ST6GALNAC3: variants seen among roughly 807,000 people sequenced by gnomAD.
ST6GALNAC3 encodes the protein alpha-N-acetylgalactosaminide alpha-2,6-sialyltransferase 3.
A neutral mutation model predicts 32.7 loss-of-function variants in ST6GALNAC3; 25 were observed. The observed-to-expected ratio is 0.76, with a 90% confidence interval of 0.56 to 1.07. The LOEUF is 1.07. Ranked by LOEUF, ST6GALNAC3 falls within the 50% of genes least tolerant of loss-of-function variation. ST6GALNAC3 has a pLI of 0.00. For synonymous variants in ST6GALNAC3, 129 were observed against 133.1 expected, an observed-to-expected ratio of 0.97 and a Z score of 0.21; for missense variants, 355 against 382.4, an observed-to-expected ratio of 0.93 and a Z score of 0.60.
intron 1 of ST6GALNAC3, among the ~76,000 whole-genome samples, chr1:76,244,794 G>A (rs910079851): frequency 6.6e-6 from 1 of 152,130 alleles, no homozygotes; most frequent in African/African-American, 2.4e-5. Context: ...GGATGAAGCT[G>A]ACTTGATCAC....
chr1:76,587,933 G>C (rs1486003375), intron 3 of ST6GALNAC3, among the ~76,000 whole-genome samples: 2 of 152,192 alleles, frequency 1.3e-5, no homozygotes, highest in African/African-American at 2.4e-5. Flanking sequence ...ACCAGGCCTT[G>C]AGGAGAGTAA....
chr1:76,228,046 A>T (rs190170066), intron 1 of ST6GALNAC3, among the ~76,000 whole-genome samples: 2 of 152,340 alleles, frequency 1.3e-5, no homozygotes, highest in East Asian at 1.9e-4. Context: ...CCAATCAGCT[A>T]CAGTTGGCTT....
intron 3 of ST6GALNAC3, among the ~76,000 whole-genome samples, chr1:76,605,674 G>A (rs1181590783): frequency 6.6e-6 from 1 of 151,854 alleles, no homozygotes; most frequent in African/African-American, 2.4e-5. Flanking sequence ...AGACCAGCCT[G>A]GCCAACATGG....
intron 1 of ST6GALNAC3, among the ~76,000 whole-genome samples, chr1:76,161,975 A>C (rs1171259600): frequency 6.6e-6 from 1 of 152,220 alleles, no homozygotes; most frequent in Admixed American, 6.5e-5. Context: ...GGAAATCGAC[A>C]TTTGCCAATG....
At chr1:76,349,465 C>T (rs531843979) in intron 2 of ST6GALNAC3, among the ~76,000 whole-genome samples, 12 of 152,146 alleles carry the variant, frequency 7.9e-5, no homozygotes, top group Non-Finnish European at 1.5e-4. Flanking sequence ...ACATGTTTCT[C>T]TGTGTTCTGG....
chr1:76,331,021 G>T (rs772490778), intron 2 of ST6GALNAC3, among the ~76,000 whole-genome samples: 16 of 152,180 alleles, frequency 1.1e-4, no homozygotes, highest in Non-Finnish European at 1.8e-4. Context: ...GGGTAAGATG[G>T]CAGAAGAGCA....
chr1:76,155,444 G>A (rs911207764), intron 1 of ST6GALNAC3, among the ~76,000 whole-genome samples: 13 of 152,028 alleles, frequency 8.6e-5, no homozygotes, highest in Non-Finnish European at 1.8e-4. Context: ...TATAGCAAGA[G>A]TTCCCCCACT....
At chr1:76,285,933 C>T (rs3908823) in intron 1 of ST6GALNAC3, among the ~76,000 whole-genome samples, 27,726 of 151,802 alleles carry the variant, frequency 0.18, 3,321 homozygotes, top group East Asian at 0.51. Context: ...CATCTGGACC[C>T]GCCCCACCAA....
intron 3 of ST6GALNAC3, among the ~76,000 whole-genome samples, chr1:76,618,478 C>T (rs1423500367): frequency 1.3e-5 from 2 of 152,134 alleles, no homozygotes; most frequent in East Asian, 3.9e-4. Flanking sequence ...GTTATTAACA[C>T]AATGTCTAGT....
At chr1:76,286,008 A>C (rs1336916426) in intron 1 of ST6GALNAC3, among the ~76,000 whole-genome samples, 7 of 152,216 alleles carry the variant, frequency 4.6e-5, no homozygotes, top group African/African-American at 1.7e-4. Context: ...AGACATGCAG[A>C]ACTAGACTGA....
intron 3 of ST6GALNAC3, among the ~76,000 whole-genome samples, chr1:76,427,467 A>G (rs1409964640): frequency 1.3e-5 from 2 of 152,056 alleles, no homozygotes; most frequent in African/African-American, 4.8e-5. Context: ...CTATGCCTGG[A>G]GAACCAGTGA....
intron 1 of ST6GALNAC3, among the ~76,000 whole-genome samples, chr1:76,247,662 G>A (rs1374402956): frequency 2.0e-5 from 3 of 151,970 alleles, no homozygotes; most frequent in African/African-American, 7.3e-5. Flanking sequence ...AATGGCCGAT[G>A]CCCCTCCCCC....
intron 2 of ST6GALNAC3, among the ~76,000 whole-genome samples, chr1:76,320,417 G>T (rs1454395237): frequency 2.0e-5 from 3 of 151,972 alleles, no homozygotes; most frequent in Admixed American, 6.6e-5. Context: ...ATCTAGTCTT[G>T]TAGTGCTCTT....
chr1:76,562,811 G>A (rs1665323584), intron 3 of ST6GALNAC3, among the ~76,000 whole-genome samples: 1 of 152,192 alleles, frequency 6.6e-6, no homozygotes, highest in South Asian at 2.1e-4. Context: ...ATAAAGGTCA[G>A]AGAGACAATT....
intron 3 of ST6GALNAC3, among the ~76,000 whole-genome samples, chr1:76,460,414 A>G (rs993845362): frequency 3.3e-5 from 5 of 152,218 alleles, no homozygotes; most frequent in Non-Finnish European, 7.3e-5. Context: ...ACAACTTGGG[A>G]AAGTCTCAAG....
chr1:76,301,658 G>C (rs1352620709), intron 1 of ST6GALNAC3, among the ~76,000 whole-genome samples: 4 of 151,800 alleles, frequency 2.6e-5, no homozygotes, highest in Non-Finnish European at 5.9e-5. Flanking sequence ...TTGTGTTTCG[G>C]TGAAAGACTG....
chr1:76,481,303 T>C (rs756524191), intron 3 of ST6GALNAC3, among the ~76,000 whole-genome samples: 1 of 152,202 alleles, frequency 6.6e-6, no homozygotes, highest in Non-Finnish European at 1.5e-5. Flanking sequence ...ATTTTCTTTT[T>C]TGAAAGTCTG....
At chr1:76,080,770 A>G (rs1429644632) in intron 1 of ST6GALNAC3, among the ~76,000 whole-genome samples, 1 of 152,206 alleles carries the variant, frequency 6.6e-6, no homozygotes, top group African/African-American at 2.4e-5. Flanking sequence ...TCACAGGTAC[A>G]CAGATGATAA....
chr1:76,392,902 G>C (rs543073903), intron 2 of ST6GALNAC3, among the ~76,000 whole-genome samples: 3 of 152,272 alleles, frequency 2.0e-5, no homozygotes, highest in East Asian at 3.9e-4. Flanking sequence ...TTTAGCCCTA[G>C]CTGCTTCAAT....
Sources: allele counts gnomAD v4.1 joint callset (sites outside exome capture counted in the v4.1 genomes callset), GRCh38; gene constraint gnomAD v4.1.1; transcripts MANE v1.5; gene names NCBI Gene and HGNC (gene_info 2026-07-23, HGNC 2026-07-21).